Variants in SUCLG1 observed in about 807,000 individuals in gnomAD.
SUCLG1 encodes the protein succinate--CoA ligase [ADP/GDP-forming] subunit alpha, mitochondrial.
Under a neutral mutation model 37.3 loss-of-function variants are expected in SUCLG1, and 26 were observed. That is an observed-to-expected ratio of 0.70 (90% CI 0.51 to 0.97). The LOEUF (loss-of-function observed/expected upper bound fraction) is 0.97, where lower values mean the gene tolerates loss of function less well. SUCLG1 is among the 50% of genes least tolerant of loss of function. The pLI is 0.00. For synonymous variants in SUCLG1, 163 were observed against 155.6 expected, an observed-to-expected ratio of 1.05 and a Z score of -0.36; for missense variants, 433 against 432.9, an observed-to-expected ratio of 1.00 and a Z score of 0.00.
chr2:84,425,511 T>C lies in SUCLG1; in HGVS notation c.918A>G (p.Gly306=), dbSNP rs1329724927. 2 of 1,614,036 alleles carry C rather than the reference T, an allele frequency of 1.2e-6. No individual in the cohort carries two copies. The highest frequency in any genetic ancestry group is 1.7e-6 in the Non-Finnish European group (2 of 1,180,038). ...TCTTCTCTTTAGCTCCACCTTTTCC[T>C]CCAGCAATAATTGCCCCGGCATGAC... ...RMGHAGAIIA[G]GKGGAKEKIS... is the part of the protein sequence containing the mutation. The change falls in exon 8 of 9, where the codon GGA becomes GGG. Residue 306 remains glycine (G), a synonymous_variant. Transcript: ENST00000393868.
At chr2:84,433,021 G>T (rs1033825469) in intron 6 of SUCLG1, among the ~76,000 whole-genome samples, 2 of 152,120 alleles carry the variant, frequency 1.3e-5, no homozygotes, top group African/African-American at 4.8e-5. Context: ...AAGCACTGAT[G>T]AACATAATGG....
rs544901263 is a variant in SUCLG1 at position 84,435,425 on chromosome 2, C to T, written c.590-1990G>A. Among the ~76,000 whole-genome samples the T allele has an allele frequency of 5.3e-4, 81 of 152,256 alleles. 1 individual carries two copies. The highest frequency in any genetic ancestry group is 1.9e-3 in the African/African-American group (77 of 41,550). ...GAGAGTATTTCTGGGGTAGAAACAACGTCATTCATTGAATGGTTCACTATT... is the reference window on the plus strand; with the variant it reads ...GAGAGTATTTCTGGGGTAGAAACAATGTCATTCATTGAATGGTTCACTATT... On this transcript the variant is annotated intron_variant, in intron 5 of 8. Transcript: ENST00000393868.
chr2:84,446,693 A>G (rs2104260557), intron 2 of SUCLG1, among the ~76,000 whole-genome samples: 1 of 152,292 alleles, frequency 6.6e-6, no homozygotes, highest in South Asian at 2.1e-4. Flanking sequence ...AAAAACAACA[A>G]AAAAAGGAAG....
intron 5 of SUCLG1, among the ~76,000 whole-genome samples, chr2:84,434,139 T>C (rs1244882252): frequency 6.6e-6 from 1 of 152,142 alleles, no homozygotes; most frequent in African/African-American, 2.4e-5. Flanking sequence ...GCCTGCAGAA[T>C]CATAAGCCAA....
chr2:84,448,073 C>CA (rs955787319), intron 2 of SUCLG1, among the ~76,000 whole-genome samples: 1 of 147,508 alleles, frequency 6.8e-6, no homozygotes, highest in African/African-American at 2.6e-5. Flanking sequence ...ATGGGTGTTT[C>CA]ATTTTTTGAT....
At chr2:84,455,229 G>A (rs1448234841) in intron 1 of SUCLG1, among the ~76,000 whole-genome samples, 1 of 152,108 alleles carries the variant, frequency 6.6e-6, no homozygotes, top group Non-Finnish European at 1.5e-5. Context: ...TTTTTAAGAA[G>A]TACTATTAAT....
At chr2:84,458,715 C>T (rs1673080126) in intron 1 of SUCLG1, among the ~76,000 whole-genome samples, 1 of 152,178 alleles carries the variant, frequency 6.6e-6, no homozygotes, top group African/African-American at 2.4e-5. Context: ...AGTGCAGGAC[C>T]TTTCCGTACT....
At chr2:84,437,930 G>A (rs1284068432) in intron 5 of SUCLG1, among the ~76,000 whole-genome samples, 1 of 152,142 alleles carries the variant, frequency 6.6e-6, no homozygotes, top group African/African-American at 2.4e-5. Flanking sequence ...AATCTCTAGA[G>A]ACTTATTCTG....
At chr2:84,430,642 G>A (rs1291750336) in intron 7 of SUCLG1, among the ~76,000 whole-genome samples, 2 of 152,136 alleles carry the variant, frequency 1.3e-5, no homozygotes, top group Non-Finnish European at 1.5e-5. Flanking sequence ...ATTATTTTAT[G>A]TGGCATTTAA....
chr2:84,459,225 G>C lies in SUCLG1; in HGVS notation c.45C>G (p.Val15=), dbSNP rs949898726. The change falls in exon 1 of 9, where the codon GTC becomes GTG. Residue 15 remains valine (V), a synonymous_variant. Coordinates refer to ENST00000393868, the MANE Select transcript of SUCLG1 (RefSeq NM_003849.4). ...CGGCGGCGAGGCCGCTGCTGCCGGA[G>C]ACCATGGTAGCGATGTCAGCGGCAG... ...LAAAADIATM[V]SGSSGLAAAR... is the part of the protein sequence containing the mutation. 2 of 1,550,354 alleles carry C rather than the reference G, an allele frequency of 1.3e-6. No individual in the cohort carries two copies. Among genetic ancestry groups the C allele is most frequent in the African/African-American group, 1.4e-5 (1 of 73,024 alleles).
chr2:84,458,520 A>AC (rs1189188219), intron 1 of SUCLG1: 1 of 152,194 alleles, frequency 6.6e-6, no homozygotes, highest in Non-Finnish European at 1.5e-5. Context: ...AAGACTAGCA[A>AC]CCTTGGGTAC....
chr2:84,454,606 G>C (rs1381057232), intron 1 of SUCLG1, among the ~76,000 whole-genome samples: 2 of 152,004 alleles, frequency 1.3e-5, no homozygotes, highest in Non-Finnish European at 2.9e-5. Flanking sequence ...CCCTGTAAAA[G>C]AGCTAAACAT....
chr2:84,439,234 T>C (rs1558611199), intron 5 of SUCLG1, among the ~76,000 whole-genome samples: 2 of 151,838 alleles, frequency 1.3e-5, no homozygotes, highest in African/African-American at 4.8e-5. Context: ...AAAAGCAGTC[T>C]CCCAGACGAC....
At chr2:84,449,557 ATG>A in intron 2 of SUCLG1, 90 bp downstream of exon 2, 1 of 870,208 alleles carries the variant, frequency 1.1e-6, no homozygotes, top group South Asian at 1.7e-5. Context: ...TGCAACAATC[ATG>A]TGTTATTTTT....
intron 5 of SUCLG1, among the ~76,000 whole-genome samples, chr2:84,440,833 A>G (rs567665240): frequency 2.2e-4 from 33 of 152,224 alleles, no homozygotes; most frequent in Non-Finnish European, 3.8e-4. Flanking sequence ...CACCACCAAA[A>G]AAATCTTCAC....
chr2:84,426,057 A>G (rs1672531606), intron 7 of SUCLG1: 1 of 192,340 alleles, frequency 5.2e-6, no homozygotes, highest in South Asian at 9.3e-5. Flanking sequence ...AGGACCTAGG[A>G]CTTAATTTTC....
chr2:84,456,171 G>A (rs577400443), intron 1 of SUCLG1, among the ~76,000 whole-genome samples: 20 of 152,200 alleles, frequency 1.3e-4, no homozygotes, highest in African/African-American at 3.9e-4. Context: ...TGGCAAACAC[G>A]GGGAAAAGGA....
chr2:84,423,810 G>A (rs745871779), intron 8 of SUCLG1, 38 bp from the exon 9 acceptor site: 1 of 1,587,246 alleles, frequency 6.3e-7, no homozygotes, highest in Non-Finnish European at 8.6e-7. Flanking sequence ...GAGATGGAAT[G>A]AATAAAGATA....
chr2:84,431,627 A>T lies in SUCLG1; in HGVS notation c.706T>A (p.Phe236Ile). Residue 236 changes from phenylalanine (F) to isoleucine (I), a missense_variant, in exon 7 of 9, where the codon TTT becomes ATT. By Grantham distance (21) the Phe-to-Ile change is conservative (BLOSUM62 0). Coordinates refer to ENST00000393868, the MANE Select transcript of SUCLG1 (RefSeq NM_003849.4). ...IGGDPFNGTD[F>I]IDCLEIFLND... Reference sequence around the variant, plus strand: ...AAAAAGATTTCGAGGCAGTCAATAAAATCTGTTCCATTAAAAGGATCACCT... The same window carrying T: ...AAAAAGATTTCGAGGCAGTCAATAATATCTGTTCCATTAAAAGGATCACCT... The T allele has an allele frequency of 6.2e-7, 1 of 1,614,020 alleles. No individual in the cohort carries two copies. The highest frequency in any genetic ancestry group is 2.2e-5 in the East Asian group (1 of 44,856).
Sources: gnomAD v4.1 joint callset for allele counts (sites outside exome capture counted in the v4.1 genomes callset) on GRCh38, gnomAD v4.1.1 for gene constraint, MANE v1.5 for transcripts, NCBI Gene and HGNC (gene_info 2026-07-23, HGNC 2026-07-21) for gene names.